RBFOX1: variants seen among roughly 807,000 people sequenced by gnomAD.
RBFOX1 encodes the protein RNA binding fox-1 homolog 1.
Under a neutral mutation model 57.7 loss-of-function variants are expected in RBFOX1, and 8 were observed. That is an observed-to-expected ratio of 0.14 (90% CI 0.08 to 0.25). The LOEUF (loss-of-function observed/expected upper bound fraction) is 0.25, where lower values mean the gene tolerates loss of function less well. Among genes scored for constraint, RBFOX1 ranks in the 10% least tolerant of loss-of-function variants. The pLI is 1.00. For synonymous variants in RBFOX1, 326 were observed against 222.4 expected, an observed-to-expected ratio of 1.47 and a Z score of -4.15; for missense variants, 611 against 548.5, an observed-to-expected ratio of 1.11 and a Z score of -1.14.
chr16:5,917,597 G>C (rs1490508508), intron 4 of RBFOX1, among the ~76,000 whole-genome samples: 1 of 152,176 alleles, frequency 6.6e-6, no homozygotes, highest in Non-Finnish European at 1.5e-5. Context: ...ACTGCACTGG[G>C]TGTGTCCATG....
chr16:5,760,363 C>T (rs2053549890), intron 3 of RBFOX1, among the ~76,000 whole-genome samples: 1 of 151,248 alleles, frequency 6.6e-6, no homozygotes. Context: ...AGCAATTTCA[C>T]ACACACACAC....
intron 3 of RBFOX1, among the ~76,000 whole-genome samples, chr16:6,807,284 A>T (rs185513963): frequency 1.3e-5 from 2 of 152,116 alleles, no homozygotes; most frequent in African/African-American, 4.8e-5. Context: ...TGGGAACTAA[A>T]CAGCAGATTC....
intron 12 of RBFOX1, 187 bp from the exon 13 acceptor site, chr16:7,664,742 C>T (rs576114819): frequency 2.9e-5 from 29 of 988,990 alleles, no homozygotes; most frequent in East Asian, 5.1e-5. Flanking sequence ...CACCAAAGCC[C>T]GGCCTAATTT....
intron 4 of RBFOX1, among the ~76,000 whole-genome samples, chr16:7,262,801 T>C (rs2094969976): frequency 6.6e-6 from 1 of 152,252 alleles, no homozygotes. Context: ...AATCCAATTC[T>C]TTTTCTAAGT....
chr16:6,887,992 T>C (rs138375563), intron 3 of RBFOX1, among the ~76,000 whole-genome samples: 1 of 152,094 alleles, frequency 6.6e-6, no homozygotes, highest in Non-Finnish European at 1.5e-5. Context: ...CTGCATCTTA[T>C]TCTGTTTGGG....
intron 2 of RBFOX1, among the ~76,000 whole-genome samples, chr16:6,578,598 C>CGTGTGCGTGTGTGTGTGT (rs2097482789): frequency 9.0e-6 from 1 of 110,666 alleles, no homozygotes; most frequent in Non-Finnish European, 2.1e-5. Flanking sequence ...GGTGTGTGTG[C>CGTGTGCGTGTGTGTGTGT]GTGTGTGTGT....
intron 4 of RBFOX1, among the ~76,000 whole-genome samples, chr16:7,199,572 A>G (rs2087743427): frequency 6.6e-6 from 1 of 152,164 alleles, no homozygotes; most frequent in Non-Finnish European, 1.5e-5. Flanking sequence ...GAATCAGCCA[A>G]TAATCTGATC....
chr16:6,175,250 C>T (rs11861569), intron 1 of RBFOX1, among the ~76,000 whole-genome samples: 1 of 152,122 alleles, frequency 6.6e-6, no homozygotes, highest in Non-Finnish European at 1.5e-5. Flanking sequence ...AAAGGATGGT[C>T]TCCTTTGGAT....
At chr16:7,023,565 A>T (rs930802327) in intron 3 of RBFOX1, among the ~76,000 whole-genome samples, 3 of 76,334 alleles carry the variant, frequency 3.9e-5, no homozygotes, top group African/African-American at 2.9e-4. Flanking sequence ...CGTCTGTACT[A>T]AAAAAAAAAA....
chr16:7,583,277 G>T (rs1451013837), intron 6 of RBFOX1, among the ~76,000 whole-genome samples: 3 of 151,566 alleles, frequency 2.0e-5, no homozygotes, highest in African/African-American at 7.3e-5. Context: ...GATCTGTTCT[G>T]TGCAGTGGCA....
In RBFOX1 at chr16:7,454,383, GTA is replaced by G. The variant is rs1473135173; in HGVS notation, c.28-63763_28-63762del. On this transcript the variant is annotated intron_variant, in intron 4 of 15. Coordinates refer to ENST00000550418, the MANE Select transcript of RBFOX1 (RefSeq NM_018723.4). Reference sequence around the variant, plus strand: ...TGTCTTGCCAGATTTTCTTAAAACTGTACCATATCAAAGGCAGATTGTCTCCC... The same window carrying G: ...TGTCTTGCCAGATTTTCTTAAAACTGCCATATCAAAGGCAGATTGTCTCCC... Among the ~76,000 whole-genome samples the G allele has an allele frequency of 1.2e-3, 190 of 152,318 alleles. 2 individuals are homozygous for G. Among genetic ancestry groups the G allele is most frequent in the African/African-American group, 4.0e-3 (165 of 41,562 alleles).
At chr16:6,135,726 A>G (rs1277778481) in intron 1 of RBFOX1, among the ~76,000 whole-genome samples, 1 of 152,050 alleles carries the variant, frequency 6.6e-6, no homozygotes, top group Non-Finnish European at 1.5e-5. Flanking sequence ...TTAAACAACA[A>G]AAATCTCAAG....
chr16:6,342,813 A>G (rs2084768670), intron 2 of RBFOX1, among the ~76,000 whole-genome samples: 1 of 152,200 alleles, frequency 6.6e-6, no homozygotes. Context: ...AAGCTCGTCT[A>G]TGCTAATCAC....
Position 6,127,370 on chromosome 16 carries a change from T to A in RBFOX1, c.-127+107378T>A, listed in dbSNP as rs188343632. On this transcript the variant is annotated intron_variant, in intron 1 of 15. Coordinates refer to ENST00000550418, the MANE Select transcript of RBFOX1 (RefSeq NM_018723.4). Reference sequence around the variant, plus strand: ...CTGCTCTAGTTCCCATTATTTTTTTTTAAAAATTGCTCTCTGTTCATGTGG... The same window carrying A: ...CTGCTCTAGTTCCCATTATTTTTTTATAAAAATTGCTCTCTGTTCATGTGG... Among the ~76,000 whole-genome samples the A allele has an allele frequency of 2.0e-3, 309 of 152,290 alleles. 1 individual carries two copies. The highest frequency in any genetic ancestry group is 3.9e-3 in the Admixed American group (60 of 15,292).
intron 4 of RBFOX1, among the ~76,000 whole-genome samples, chr16:7,131,512 A>G (rs1428615889): frequency 1.3e-5 from 2 of 151,766 alleles, no homozygotes; most frequent in East Asian, 3.9e-4. Flanking sequence ...ACCTGAAAGG[A>G]TGGAATAAAC....
rs56100992 is a variant in RBFOX1, at chr16:6,420,343, A to ATT, written c.-64+103293_-64+103294dup. ...CTCCAGGTGGTTAGAGTGTGGGGAG[A>ATT]TTTTTTTTCCCTACCTCTTTCATTT... On this transcript the variant is annotated intron_variant, in intron 2 of 15. Transcript: ENST00000550418. Among the ~76,000 whole-genome samples the ATT allele has an allele frequency of 4.6e-5, 7 of 151,706 alleles. No homozygotes were observed. In the East Asian group the frequency reaches 7.7e-4, roughly 17 times the overall value.
intron 1 of RBFOX1, among the ~76,000 whole-genome samples, chr16:6,279,089 A>G (rs2076123539): frequency 6.6e-6 from 1 of 152,126 alleles, no homozygotes; most frequent in Admixed American, 6.5e-5. Flanking sequence ...TGATTTTTAT[A>G]CCACCTCTCA....
intron 3 of RBFOX1, among the ~76,000 whole-genome samples, chr16:5,618,390 T>C (rs930434536): frequency 1.3e-5 from 2 of 152,074 alleles, no homozygotes; most frequent in African/African-American, 4.8e-5. Context: ...CAGGCTGCAG[T>C]GCAGTGGTGC....
At chr16:7,664,117 C>T (rs1474298035) in intron 12 of RBFOX1, among the ~76,000 whole-genome samples, 1 of 152,190 alleles carries the variant, frequency 6.6e-6, no homozygotes, top group Non-Finnish European at 1.5e-5. Context: ...CACATGTATA[C>T]ACCCTTGTAC....
Sources: allele counts gnomAD v4.1 joint callset (sites outside exome capture counted in the v4.1 genomes callset), GRCh38; gene constraint gnomAD v4.1.1; transcripts MANE v1.5; gene names NCBI Gene and HGNC (gene_info 2026-07-23, HGNC 2026-07-21).